The following STXBP5 variants were observed in gnomAD, a reference collection of about 807,000 sequenced individuals.
STXBP5 encodes the protein syntaxin-binding protein 5.
A neutral mutation model predicts 152.4 loss-of-function variants in STXBP5; 50 were observed. The ratio of observed to expected loss-of-function variants is 0.33; its 90% CI spans 0.26 to 0.42. The LOEUF (loss-of-function observed/expected upper bound fraction) is 0.42. Ranked by LOEUF, STXBP5 falls within the 10% of genes least tolerant of loss-of-function variation. The probability of loss-of-function intolerance (pLI) is 1.00; values close to 1 mark genes in which losing one functional copy is unlikely to be tolerated. For synonymous variants in STXBP5, 492 were observed against 494.7 expected, an observed-to-expected ratio of 0.99 and a Z score of 0.07; for missense variants, 1,167 against 1,388.6, an observed-to-expected ratio of 0.84 and a Z score of 2.54.
intron 9 of STXBP5, among the ~76,000 whole-genome samples, chr6:147,307,368 CT>C (rs1782146290): frequency 6.6e-6 from 1 of 152,046 alleles, no homozygotes; most frequent in South Asian, 2.1e-4. Context: ...AAAGACTTAC[CT>C]TTTTATTTTA....
chr6:147,214,122 CA>C (rs1294995008), intron 2 of STXBP5, among the ~76,000 whole-genome samples: 1 of 152,136 alleles, frequency 6.6e-6, no homozygotes, highest in Non-Finnish European at 1.5e-5. Flanking sequence ...CCTGTAGAGA[CA>C]TTCAGGTTTC....
At chr6:147,233,074 T>C (rs933500674) in intron 2 of STXBP5, among the ~76,000 whole-genome samples, 24 of 151,828 alleles carry the variant, frequency 1.6e-4, no homozygotes, top group African/African-American at 5.3e-4. Context: ...TTTATGTCTA[T>C]TGTATTAGAT....
intron 4 of STXBP5, among the ~76,000 whole-genome samples, chr6:147,253,010 A>T (rs1234247732): frequency 2.0e-5 from 3 of 152,202 alleles, no homozygotes; most frequent in African/African-American, 7.2e-5. Context: ...ACAACAAAAA[A>T]AGAAGTTTTC....
intron 6 of STXBP5, among the ~76,000 whole-genome samples, chr6:147,266,395 C>G (rs1779894486): frequency 6.6e-6 from 1 of 152,012 alleles, no homozygotes; most frequent in African/African-American, 2.4e-5. Flanking sequence ...GAAAAGGAAT[C>G]TTTGTGTCTT....
At chr6:147,237,290 A>C (rs1011651892) in intron 3 of STXBP5, among the ~76,000 whole-genome samples, 3 of 152,114 alleles carry the variant, frequency 2.0e-5, no homozygotes, top group African/African-American at 7.2e-5. Flanking sequence ...TAAATTATAA[A>C]TACATTATAA....
intron 8 of STXBP5, among the ~76,000 whole-genome samples, chr6:147,287,342 A>C (rs1363274253): frequency 1.3e-5 from 2 of 149,470 alleles, no homozygotes; most frequent in African/African-American, 4.9e-5. Flanking sequence ...AGCTGGGACT[A>C]CAGGCGCCCG....
chr6:147,382,880 G>A lies in STXBP5; in HGVS notation c.3296G>A (p.Gly1099Asp). The A allele has an allele frequency of 1.2e-6, 2 of 1,613,568 alleles. No individual in the cohort carries two copies. Among genetic ancestry groups the A allele is most frequent in the Non-Finnish European group, 1.7e-6 (2 of 1,179,712 alleles). ...AAAGGGGCAGCATCTGGAGTTGTTG[G>A]TGAATTAGCACGAGCCAGGCTGGCA... ...GVKGAASGVV[G>D]ELARARLALD... Residue 1099 changes from glycine (G) to aspartate (D), a missense_variant, in exon 27 of 28, where the codon GGT (glycine) becomes GAT (aspartate). By Grantham distance (94) the Gly-to-Asp change is moderately conservative. This residue lies in a region of STXBP5 where 833 missense variants were observed against 986.3 expected (regional missense o/e 0.84). Transcript: ENST00000321680.
At position 147,374,876 on chromosome 6, in the gene STXBP5, G is replaced by A. The variant is rs899107280; in HGVS notation, c.3193+1034G>A. On this transcript the variant is annotated intron_variant, in intron 26 of 27. Coordinates refer to ENST00000321680, the MANE Select transcript of STXBP5 (RefSeq NM_001127715.4). ...AGGGCTATAATTTAAGAGTAAGGGT[G>A]AACTGGGAATAAACTACCCACCTCC... Among the ~76,000 whole-genome samples, 5 of 152,058 alleles carry A rather than the reference G, an allele frequency of 3.3e-5. No homozygotes were observed. The East Asian group carries it at 7.7e-4, about 23-fold the overall frequency.
rs1438814529 is a variant in STXBP5 at position 147,265,162 on chromosome 6, T to C, written c.631-1922T>C. ...AGAGAGGAAACAAATACCATTTTTT[T>C]CCAAAAGGTGTATGTATCTCAGATT... On this transcript the variant is annotated intron_variant, in intron 6 of 27. Coordinates refer to ENST00000321680, the MANE Select transcript of STXBP5 (RefSeq NM_001127715.4). Among the ~76,000 whole-genome samples, 3 of 152,222 alleles carry C rather than the reference T, an allele frequency of 2.0e-5. No individual in the cohort carries two copies. In the East Asian group the frequency reaches 5.8e-4, roughly 29 times the overall value.
chr6:147,359,238 G>A lies in STXBP5; in HGVS notation c.2460G>A (p.Thr820=), dbSNP rs902309142. ...CCCCTTGTCTATGGGTTGGAACAAC[G>A]CTAGGAACAGTGCTTGTCATTGCAC... ...SPSPCLWVGT[T]LGTVLVIALN... Residue 820 remains threonine, a synonymous_variant, in exon 23 of 28, where the codon ACG becomes ACA. Coordinates refer to ENST00000321680, the MANE Select transcript of STXBP5 (RefSeq NM_001127715.4). 3.1e-6 allele frequency: 5 copies of A among 1,614,030 alleles called. No homozygotes were observed. The highest frequency in any genetic ancestry group is 2.7e-5 in the African/African-American group (2 of 75,034).
intron 2 of STXBP5, among the ~76,000 whole-genome samples, chr6:147,216,689 A>T: frequency 6.6e-6 from 1 of 152,120 alleles, no homozygotes; most frequent in Non-Finnish European, 1.5e-5. Flanking sequence ...TATATGTAAA[A>T]ATATATATAT....
At chr6:147,241,182 A>C (rs941842782) in intron 4 of STXBP5, among the ~76,000 whole-genome samples, 1 of 152,180 alleles carries the variant, frequency 6.6e-6, no homozygotes, top group African/African-American at 2.4e-5. Context: ...CATATACCTC[A>C]TATACCACCC....
intron 4 of STXBP5, 70 bp downstream of exon 4, chr6:147,239,340 A>AT (rs1296379969): frequency 1.3e-5 from 18 of 1,400,882 alleles, no homozygotes; most frequent in South Asian, 2.5e-5. Flanking sequence ...TCAGTCTTTG[A>AT]TTTTTTGTGT....
chr6:147,225,885 A>G (rs146166516), intron 2 of STXBP5, among the ~76,000 whole-genome samples: 28 of 152,316 alleles, frequency 1.8e-4, no homozygotes, highest in African/African-American at 6.3e-4. Flanking sequence ...AATGTAATTT[A>G]TGGGATTTTA....
chr6:147,226,973 G>A (rs1777750624), intron 2 of STXBP5, among the ~76,000 whole-genome samples: 1 of 152,112 alleles, frequency 6.6e-6, no homozygotes, highest in Admixed American at 6.6e-5. Flanking sequence ...CCCTTAATGT[G>A]CCCATTTTTC....
At position 147,390,413 on chromosome 6, in the gene STXBP5, C is replaced by G. The variant is rs1786535777; in HGVS notation, c.*5658C>G. On this transcript the variant is annotated 3_prime_UTR_variant, in exon 28 of 28. Coordinates refer to ENST00000321680, the MANE Select transcript of STXBP5 (RefSeq NM_001127715.4). Reference sequence around the variant, plus strand: ...TTCATATATATGTATATGAATGTCTCTTTATGCTGAAGGGCTCTGATTGGG... The same window carrying G: ...TTCATATATATGTATATGAATGTCTGTTTATGCTGAAGGGCTCTGATTGGG... 6.6e-6 allele frequency: 1 copy of G among 151,886 alleles called. No homozygotes were observed. The highest frequency in any genetic ancestry group is 2.1e-4 in the South Asian group (1 of 4,822). 9.4% of individuals were successfully genotyped at this position (151,886 alleles called of 1,614,324 possible). A position where few individuals can be genotyped will look rare whatever the true frequency, so the allele number is the denominator to read the frequency against.
intron 23 of STXBP5, 22 bp downstream of exon 23, chr6:147,359,345 A>G (rs770113947): frequency 6.2e-7 from 1 of 1,602,294 alleles, no homozygotes; most frequent in Admixed American, 1.7e-5. Flanking sequence ...TGCTGCACTT[A>G]GAGTTACATT....
chr6:147,272,351 T>C (rs1160472103), intron 7 of STXBP5, among the ~76,000 whole-genome samples: 1 of 152,242 alleles, frequency 6.6e-6, no homozygotes, highest in African/African-American at 2.4e-5. Context: ...ATAAAACTTA[T>C]TCTTAACACA....
chr6:147,220,026 C>G (rs1777381841), intron 2 of STXBP5, among the ~76,000 whole-genome samples: 1 of 151,280 alleles, frequency 6.6e-6, no homozygotes, highest in Non-Finnish European at 1.5e-5. Flanking sequence ...CTATAAATTC[C>G]CTTTAAGTAC....
Sources: gnomAD v4.1 joint callset for allele counts (sites outside exome capture counted in the v4.1 genomes callset) on GRCh38, gnomAD v4.1.1 for gene constraint, gnomAD v4.1.1 regional missense constraint, MANE v1.5 for transcripts, NCBI Gene and HGNC (gene_info 2026-07-23, HGNC 2026-07-21) for gene names.